C4orf51: variants seen among roughly 807,000 people sequenced by gnomAD.
C4orf51 encodes chromosome 4 open reading frame 51, also known as uncharacterized protein C4orf51.
C4orf51 carries 25 observed loss-of-function variants against 25.2 expected under a neutral mutation model. The ratio of observed to expected loss-of-function variants is 0.99; its 90% CI spans 0.72 to 1.39. The LOEUF (loss-of-function observed/expected upper bound fraction) is 1.39, where lower values mean the gene tolerates loss of function less well. Ranked by LOEUF, C4orf51 falls within the 40% of genes most tolerant of loss-of-function variation. C4orf51 has a pLI of 0.00. For synonymous variants in C4orf51, 100 were observed against 84.5 expected, an observed-to-expected ratio of 1.18 and a Z score of -1.01; for missense variants, 252 against 239.6, an observed-to-expected ratio of 1.05 and a Z score of -0.34.
At chr4:145,760,792 G>A in intron 1 of C4orf51, 4 of 1,171,926 alleles carry the variant, frequency 3.4e-6, no homozygotes, top group South Asian at 1.7e-5. Context: ...GACAGTCTCT[G>A]CTCTTTCTCT....
chr4:145,776,007 GA>G, downstream of C4orf51: 2 of 1,611,236 alleles, frequency 1.2e-6, no homozygotes, highest in African/African-American at 1.3e-5. Flanking sequence ...TTCAAAAAAG[GA>G]AGTCCCAACA....
chr4:145,770,367 G>C (rs1328631955), intron 1 of C4orf51, among the ~76,000 whole-genome samples: 1 of 151,384 alleles, frequency 6.6e-6, no homozygotes, highest in Admixed American at 6.6e-5. Flanking sequence ...CAGAACATGT[G>C]AGTTTGAATC....
chr4:145,751,973 C>G (rs2126811701), intron 1 of C4orf51, among the ~76,000 whole-genome samples: 1 of 152,302 alleles, frequency 6.6e-6, no homozygotes, highest in East Asian at 1.9e-4. Flanking sequence ...TGCTGATGTT[C>G]CCTTAAGGCC....
At position 145,762,825 on chromosome 4, in the gene C4orf51, A is replaced by G. The variant is rs1338614242; in HGVS notation, n.167-8163A>G. Among the ~76,000 whole-genome samples the G allele has an allele frequency of 6.6e-6, 1 of 152,326 alleles. No individual in the cohort carries two copies. Among genetic ancestry groups the G allele is most frequent in the South Asian group, 2.1e-4 (1 of 4,830 alleles). On this transcript the variant is annotated intron_variant and non_coding_transcript_variant, in intron 1 of 1. Transcript: ENST00000510096. The surrounding 1 kb of genome is among the most constrained non-coding windows in gnomAD (Gnocchi z 4.9). ...ACTGTAGTGTGTTTGCTCTCTTTCC[A>G]CAAAGAATGCAGATGCAAAAGTGGC...
chr4:145,784,391 G>C, the C4orf51 span, among the ~76,000 whole-genome samples: 2 of 152,142 alleles, frequency 1.3e-5, no homozygotes, highest in Non-Finnish European at 2.9e-5. Flanking sequence ...TTAACTGAAG[G>C]CTCCTCCTAT....
intron 2 of C4orf51, among the ~76,000 whole-genome samples, chr4:145,724,393 T>C (rs934780685): frequency 5.3e-5 from 8 of 152,266 alleles, no homozygotes; most frequent in Non-Finnish European, 1.2e-4. Flanking sequence ...TGGCTTAAGA[T>C]ACCTTCTTTA....
Position 145,761,745 on chromosome 4 carries a change from AG to A in C4orf51, n.167-9239del, listed in dbSNP as rs1734540428. 1 of 443,982 alleles carries A rather than the reference AG, an allele frequency of 2.3e-6. No homozygotes were observed. Among genetic ancestry groups the A allele is most frequent in the African/African-American group, 2.1e-5 (1 of 48,134 alleles). The allele number at this position is 443,982 out of a possible 1,614,324, so 27.5% of individuals were successfully genotyped here. The stretch of plus-strand genomic sequence containing the variant: ...GCCCAGCCCAGCCCTGCCGCCTCTC[AG>A]GGGTGGAACGGCCCTTTTTGGCTCT... On this transcript the variant is annotated intron_variant and non_coding_transcript_variant, in intron 1 of 1. Transcript: ENST00000510096. This position sits in a 1 kb window ranked among gnomAD's most constrained non-coding sequence, Gnocchi z 6.8.
chr4:145,758,784 C>A (rs896199416), downstream of C4orf51: 6 of 152,192 alleles, frequency 3.9e-5, no homozygotes, highest in Non-Finnish European at 8.8e-5. Context: ...GTGGGCATCT[C>A]CTTAGTGTAA....
the C4orf51 span, among the ~76,000 whole-genome samples, chr4:145,789,422 A>C: frequency 7.2e-5 from 11 of 152,242 alleles, no homozygotes; most frequent in African/African-American, 2.4e-4. Flanking sequence ...CATAATTAAA[A>C]CAATAGCTTA....
chr4:145,757,298 A>G (rs191453643), downstream of C4orf51, among the ~76,000 whole-genome samples: 2 of 152,340 alleles, frequency 1.3e-5, no homozygotes, highest in Admixed American at 1.3e-4. Context: ...CTATGGGGTC[A>G]ATGAAATGAT....
intron 1 of C4orf51, among the ~76,000 whole-genome samples, chr4:145,750,970 G>C (rs558265657): frequency 5.3e-5 from 8 of 151,928 alleles, no homozygotes; most frequent in Admixed American, 2.6e-4. Flanking sequence ...ACATTTTTCA[G>C]CTCCAGAATT....
At chr4:145,747,441 G>A (rs766249468) in intron 1 of C4orf51, among the ~76,000 whole-genome samples, 22 of 150,148 alleles carry the variant, frequency 1.5e-4, no homozygotes, top group East Asian at 7.8e-4. Flanking sequence ...TGCTTTTTCC[G>A]CATTAATCAA....
intron 1 of C4orf51, among the ~76,000 whole-genome samples, chr4:145,749,912 A>G (rs12499118): frequency 0.19 from 29,203 of 152,026 alleles, 3,783 homozygotes; most frequent in East Asian, 0.67. Flanking sequence ...GGGATTACAG[A>G]CATGAGCCAC....
chr4:145,712,408 G>A (rs763062824), intron 2 of C4orf51, among the ~76,000 whole-genome samples: 7 of 152,168 alleles, frequency 4.6e-5, no homozygotes, highest in Non-Finnish European at 1.0e-4. Context: ...TCCAGTGAAC[G>A]CACAAATGAT....
intron 1 of C4orf51, among the ~76,000 whole-genome samples, chr4:145,770,291 C>T (rs1736044500): frequency 1.4e-5 from 2 of 147,550 alleles, no homozygotes; most frequent in African/African-American, 5.1e-5. Context: ...AGAGTGAGAC[C>T]CTGTCTTAAA....
At chr4:145,757,655 A>AGAG (rs1734054385), downstream of C4orf51, 2 of 151,410 alleles carry the variant, frequency 1.3e-5, no homozygotes, top group Admixed American at 1.3e-4. Flanking sequence ...TTTTTTAATT[A>AGAG]GAGTATATTA....
chr4:145,731,291 C>T lies in C4orf51; in HGVS notation c.502-1162C>T, dbSNP rs1732443847. Among the ~76,000 whole-genome samples the T allele has an allele frequency of 3.9e-5, 6 of 152,158 alleles. No homozygotes were observed. The South Asian group carries it at 1.2e-3, about 32-fold the overall frequency. On this transcript the variant is annotated intron_variant, in intron 5 of 5. Coordinates refer to ENST00000438731, the MANE Select transcript of C4orf51 (RefSeq NM_001080531.3). ...CAGTGTCTGCAGCTGTTCTGGGGAA[C>T]AGCTGCTTCTCTCTGTAAGGTGCTT...
At chr4:145,694,127 C>A (rs1729849588) in intron 1 of C4orf51, among the ~76,000 whole-genome samples, 1 of 92,930 alleles carries the variant, frequency 1.1e-5, no homozygotes, top group Admixed American at 1.2e-4. Context: ...CAGAGGCGCT[C>A]CCCACATCTC....
At chr4:145,698,691 T>G (rs1181224103) in intron 2 of C4orf51, among the ~76,000 whole-genome samples, 1 of 152,196 alleles carries the variant, frequency 6.6e-6, no homozygotes, top group Non-Finnish European at 1.5e-5. Context: ...CTTCCCATCA[T>G]GCCCTGAACT....
Sources: allele counts gnomAD v4.1 joint callset (sites outside exome capture counted in the v4.1 genomes callset), GRCh38; gene constraint gnomAD v4.1.1; non-coding constraint Gnocchi (gnomAD v3.1); transcripts MANE v1.5; gene names NCBI Gene and HGNC (gene_info 2026-07-23, HGNC 2026-07-21).